EFCAB12: variants seen among roughly 807,000 people sequenced by gnomAD.
The protein encoded by EFCAB12 is EF-hand calcium binding domain 12.
In EFCAB12, 43 loss-of-function variants were observed where a neutral mutation model predicts 53.6. The observed-to-expected ratio is 0.80, with a 90% confidence interval of 0.63 to 1.03. The LOEUF is 1.03. EFCAB12 is among the 50% of genes least tolerant of loss of function. The pLI is 0.00. For synonymous variants in EFCAB12, 269 were observed against 289.2 expected, an observed-to-expected ratio of 0.93 and a Z score of 0.71; for missense variants, 646 against 730.6, an observed-to-expected ratio of 0.88 and a Z score of 1.34.
At chr3:129,401,935 C>T (rs2071877933) in intron 8 of EFCAB12, 84 bp from the exon 9 acceptor site, 1 of 1,515,424 alleles carries the variant, frequency 6.6e-7, no homozygotes, top group Non-Finnish European at 8.9e-7. Flanking sequence ...CCAACTGTGA[C>T]CAAAGTGGAG....
chr3:129,404,100 A>G, intron 7 of EFCAB12, 150 bp downstream of exon 7: 3 of 1,025,418 alleles, frequency 2.9e-6, no homozygotes, highest in Admixed American at 2.7e-5. Context: ...GCCAGTCTGC[A>G]GTGAGCAGTC....
intron 4 of EFCAB12, chr3:129,414,544 G>C (rs2072088576): frequency 6.6e-6 from 1 of 152,220 alleles, no homozygotes; most frequent in African/African-American, 2.4e-5. Flanking sequence ...AGAATGGGTG[G>C]GTGGTTGTAA....
At chr3:129,422,604 C>T (rs1335273886) in intron 1 of EFCAB12, among the ~76,000 whole-genome samples, 1 of 152,158 alleles carries the variant, frequency 6.6e-6, no homozygotes, top group Non-Finnish European at 1.5e-5. Context: ...TCTTCCTTAT[C>T]CTCCAGGTCC....
intron 7 of EFCAB12, chr3:129,403,563 C>T (rs2071905018): frequency 6.6e-6 from 1 of 152,344 alleles, no homozygotes; most frequent in African/African-American, 2.4e-5. Flanking sequence ...AGGCCCCTCC[C>T]ACCTCATGGT....
Position 129,401,841 on chromosome 3 carries a change from C to A in EFCAB12, c.1471G>T (p.Val491Leu), listed in dbSNP as rs144690112. Residue 491 changes from valine to leucine, a missense_variant, in exon 9 of 9, where the codon GTG becomes TTG. Transcript: ENST00000505956. ...TGCTGCAGACCACTGGACCTCTTCA[C>A]CTTCAGCTTCCTGGAAAACAAGAAG... The part of the protein sequence containing the change: ...EFEEFTRKLK[V>L]KRSSGLQQTH... The A allele has an allele frequency of 3.7e-4, 600 of 1,611,168 alleles. 3 individuals are homozygous for A. In the African/African-American group the frequency reaches 5.9e-3, roughly 16 times the overall value.
intron 1 of EFCAB12, among the ~76,000 whole-genome samples, chr3:129,425,203 T>C (rs1332720514): frequency 6.6e-6 from 1 of 151,966 alleles, no homozygotes; most frequent in Non-Finnish European, 1.5e-5. Flanking sequence ...CCCATTTGGG[T>C]CCTCCCTAGA....
chr3:129,416,582 GA>G (rs2072118770), intron 3 of EFCAB12, among the ~76,000 whole-genome samples: 1 of 152,192 alleles, frequency 6.6e-6, no homozygotes, highest in Admixed American at 6.5e-5. Flanking sequence ...TGAGAAAACT[GA>G]TAATAATTTA....
rs573503738 is a variant in EFCAB12 at position 129,401,419 on chromosome 3, C to A, written c.*174G>T. 1.1e-4 allele frequency: 96 copies of A among 847,158 alleles called. No homozygotes were observed. The highest frequency in any genetic ancestry group is 7.8e-5 in the Non-Finnish European group (45 of 575,574). The allele number at this position is 847,158 out of a possible 1,614,324, so 52.5% of individuals were successfully genotyped here. A position where few individuals can be genotyped will look rare whatever the true frequency, so the allele number is the denominator to read the frequency against. ...CACGTCATTCCTTGGACACATCTAC[C>A]CTCTGAGACACTGGACACTTTGAGT... is the stretch of plus-strand genomic sequence containing the variant. On this transcript the variant is annotated 3_prime_UTR_variant, in exon 9 of 9. Transcript: ENST00000505956.
chr3:129,415,012 C>T, intron 4 of EFCAB12: 1 of 435,274 alleles, frequency 2.3e-6, no homozygotes, highest in Non-Finnish European at 4.0e-6. Context: ...AGAACAAGGG[C>T]TGGGACTCAT....
intron 1 of EFCAB12, among the ~76,000 whole-genome samples, chr3:129,423,964 C>T (rs1043888423): frequency 1.3e-5 from 2 of 152,210 alleles, no homozygotes; most frequent in African/African-American, 2.4e-5. Context: ...AGACTCAGCT[C>T]AGGCATCCCG....
At position 129,422,957 on chromosome 3, in the gene EFCAB12, T is replaced by G. The variant is rs184068278; in HGVS notation, c.50-1154A>C. ...GCTCCATGAAGACTGTAACCCTATC[T>G]CTCTTGTTCCTGACTGGAGCCCTGA... On this transcript the variant is annotated intron_variant, in intron 1 of 8. Coordinates refer to ENST00000505956, the MANE Select transcript of EFCAB12 (RefSeq NM_207307.3). Among the ~76,000 whole-genome samples the G allele has an allele frequency of 1.7e-4, 26 of 152,272 alleles. No homozygotes were observed. The East Asian group carries it at 4.8e-3, about 28-fold the overall frequency.
intron 3 of EFCAB12, among the ~76,000 whole-genome samples, chr3:129,417,341 C>CAAAAAAAA (rs1236887523): frequency 3.1e-5 from 2 of 63,698 alleles, no homozygotes; most frequent in Non-Finnish European, 7.4e-5. Flanking sequence ...AAAAAAAAAC[C>CAAAAAAAA]AAAAAAAAAA....
intron 1 of EFCAB12, among the ~76,000 whole-genome samples, chr3:129,422,132 G>C (rs1218717764): frequency 6.6e-6 from 1 of 152,182 alleles, no homozygotes; most frequent in African/African-American, 2.4e-5. Flanking sequence ...ACAGTATTAA[G>C]AGCAGAGGCT....
intron 6 of EFCAB12, 82 bp from the exon 7 acceptor site, chr3:129,404,485 T>G (rs1446705719): frequency 5.3e-5 from 16 of 303,816 alleles, no homozygotes; most frequent in South Asian, 1.0e-4. Context: ...AGAGGAGGTG[T>G]TTTTTTTTTT....
At chr3:129,415,455 C>A in intron 3 of EFCAB12, 54 bp from the exon 4 acceptor site, 1 of 1,603,050 alleles carries the variant, frequency 6.2e-7, no homozygotes, top group South Asian at 1.1e-5. Flanking sequence ...ACATCCTGCT[C>A]TGATGGCCAA....
At chr3:129,423,351 G>T (rs1223670222) in intron 1 of EFCAB12, among the ~76,000 whole-genome samples, 1 of 152,202 alleles carries the variant, frequency 6.6e-6, no homozygotes, top group Non-Finnish European at 1.5e-5. Context: ...AAGGGGCCAG[G>T]CATGGTAGCT....
At chr3:129,417,341 C>CAAAAAAAAA (rs1236887523) in intron 3 of EFCAB12, among the ~76,000 whole-genome samples, 1 of 63,698 alleles carries the variant, frequency 1.6e-5, no homozygotes, top group Non-Finnish European at 3.7e-5. Flanking sequence ...AAAAAAAAAC[C>CAAAAAAAAA]AAAAAAAAAA....
chr3:129,427,976 C>T (rs2072292104), intron 1 of EFCAB12, among the ~76,000 whole-genome samples: 1 of 152,174 alleles, frequency 6.6e-6, no homozygotes, highest in Non-Finnish European at 1.5e-5. Context: ...AAGCTTGGAA[C>T]TGTTCCTCCC....
At chr3:129,401,895 G>T in intron 8 of EFCAB12, 44 bp from the exon 9 acceptor site, 1 of 1,590,314 alleles carries the variant, frequency 6.3e-7, no homozygotes, top group South Asian at 1.1e-5. Flanking sequence ...TGGCAGACAG[G>T]CCAGAGCTGA....
Sources: allele counts gnomAD v4.1 joint callset (sites outside exome capture counted in the v4.1 genomes callset), GRCh38; gene constraint gnomAD v4.1.1; transcripts MANE v1.5; gene names NCBI Gene and HGNC (gene_info 2026-07-23, HGNC 2026-07-21).